The following MYH9 variants were observed in gnomAD, a reference collection of about 807,000 sequenced individuals.
MYH9 encodes the protein myosin heavy chain 9.
A neutral mutation model predicts 241.9 loss-of-function variants in MYH9; 29 were observed. That is an observed-to-expected ratio of 0.12 (90% CI 0.09 to 0.16). MYH9 has a LOEUF of 0.16. MYH9 is among the 10% of genes least tolerant of loss of function. MYH9 has a pLI of 1.00. For missense variants in MYH9, 1,803 were observed against 2,595.5 expected, an observed-to-expected ratio of 0.69 and a Z score of 6.63; for synonymous variants, 1,047 against 1,062.6, an observed-to-expected ratio of 0.99 and a Z score of 0.29.
At position 36,285,893 on chromosome 22, in the gene MYH9, C is replaced by T; in HGVS notation, c.5122G>A (p.Asp1708Asn). The T allele has an allele frequency of 6.2e-7, 1 of 1,613,538 alleles. No homozygotes were observed. The highest frequency in any genetic ancestry group is 8.5e-7 in the Non-Finnish European group (1 of 1,179,998). The part of the protein sequence containing the change: ...QAQQERDELA[D>N]EIANSSGKGA... ...TTGCCGCTGCTGTTGGCGATCTCGT[C>T]AGCCAGCTCATCCCGCTCCTGCTGG... The change falls in exon 36 of 41, where the codon GAC becomes AAC. Residue 1708 changes from aspartate (D) to asparagine (N), a missense_variant. Asp to Asn is a conservative substitution (Grantham distance 23). This residue lies in a region of MYH9 where 876 missense variants were observed against 1,077.8 expected (regional missense o/e 0.81). Coordinates refer to ENST00000216181, the MANE Select transcript of MYH9 (RefSeq NM_002473.6). The surrounding 1 kb of genome is among the most constrained non-coding windows in gnomAD (Gnocchi z 7.0).
intron 1 of MYH9, among the ~76,000 whole-genome samples, chr22:36,375,974 T>C (rs1023603914): frequency 1.4e-5 from 2 of 147,104 alleles, no homozygotes; most frequent in Non-Finnish European, 3.0e-5. Flanking sequence ...TTTTTTTTTT[T>C]TTTTGAGATG....
chr22:36,319,543 T>C lies in MYH9; in HGVS notation c.1105A>G (p.Thr369Ala). The C allele has an allele frequency of 6.2e-7, 1 of 1,614,126 alleles. No individual in the cohort carries two copies. Among genetic ancestry groups the C allele is most frequent in the Non-Finnish European group, 8.5e-7 (1 of 1,179,988 alleles). The change falls in exon 10 of 41, where the codon ACA (threonine) becomes GCA (alanine). Residue 369 changes from threonine to alanine, a missense_variant. Physicochemically the swap from Thr to Ala is moderately conservative, Grantham distance 58. Around this residue, in one of 11 missense-constraint regions of MYH9, gnomAD observed 222 missense variants for 359.9 expected, o/e 0.62. Transcript: ENST00000216181. ...AGCGAGAGGCCCCGGGTGTTACCTG[T>C]GTTGTCGGGCATGGACGCCTGGTCA... The part of the protein sequence containing the change: ...NTDQASMPDN[T>A]AAQKVSHLLG...
chr22:36,344,178 T>C lies in MYH9; in HGVS notation c.334-2652A>G, dbSNP rs189251257. On this transcript the variant is annotated intron_variant, in intron 2 of 40. Transcript: ENST00000216181. ...CTCAGGTGGGAGGAAGGAGATTCAC[T>C]GGATGCTCGTGGAGGCAAGACATCG... is the stretch of plus-strand genomic sequence containing the variant. Among the ~76,000 whole-genome samples the C allele has an allele frequency of 5.2e-3, 789 of 152,350 alleles. 6 individuals are homozygous for C. The highest frequency in any genetic ancestry group is 8.4e-3 in the Non-Finnish European group (573 of 68,024).
chr22:36,346,071 C>T (rs950219665), intron 2 of MYH9, among the ~76,000 whole-genome samples: 1 of 151,066 alleles, frequency 6.6e-6, no homozygotes, highest in Non-Finnish European at 1.5e-5. Flanking sequence ...CGCTTGAACC[C>T]GGGAGGCAGA....
At chr22:36,301,468 G>T in intron 21 of MYH9, 66 bp downstream of exon 21, 1 of 1,603,966 alleles carries the variant, frequency 6.2e-7, no homozygotes, top group Non-Finnish European at 8.5e-7. Context: ...CGTGCCTACC[G>T]ATGGCCAGCA....
Position 36,285,588 on chromosome 22 carries a change from T to G in MYH9, c.5274+70A>C. On this transcript the variant is annotated intron_variant, in intron 37 of 40. Coordinates refer to ENST00000216181, the MANE Select transcript of MYH9 (RefSeq NM_002473.6). The surrounding 1 kb of genome is among the most constrained non-coding windows in gnomAD (Gnocchi z 7.0). ...GCACTTGGCCTGTGCTTCTGCCGGC[T>G]GGGTCCAAGGCCAGCTCTGCCGTGG... 1.2e-6 allele frequency: 2 copies of G among 1,603,800 alleles called. No individual in the cohort carries two copies. The highest frequency in any genetic ancestry group is 2.2e-5 in the East Asian group (1 of 44,752).
chr22:36,312,382 C>T (rs1449955145), intron 13 of MYH9, among the ~76,000 whole-genome samples, 160 bp from the exon 14 acceptor site: 1 of 152,182 alleles, frequency 6.6e-6, no homozygotes, highest in Admixed American at 6.5e-5. Context: ...TTTCTAGCTT[C>T]TAAAGAAACC....
rs948229553 is a variant in MYH9, at chr22:36,301,449, C to T, written c.2631+85G>A. Reference sequence around the variant, plus strand: ...AAAACTCCTATAGTAATAGAAACTTCCAGCATGCCGTGCCTACCGATGGCC... The same window carrying T: ...AAAACTCCTATAGTAATAGAAACTTTCAGCATGCCGTGCCTACCGATGGCC... On this transcript the variant is annotated intron_variant, in intron 21 of 40. Coordinates refer to ENST00000216181, the MANE Select transcript of MYH9 (RefSeq NM_002473.6). 2.5e-6 allele frequency: 4 copies of T among 1,578,052 alleles called. No homozygotes were observed. The South Asian group carries it at 3.3e-5, about 13-fold the overall frequency.
At chr22:36,372,307 G>A (rs2018101403) in intron 1 of MYH9, among the ~76,000 whole-genome samples, 1 of 152,048 alleles carries the variant, frequency 6.6e-6, no homozygotes, top group Non-Finnish European at 1.5e-5. Context: ...GGGTAACATA[G>A]CAAGATCCCA....
At chr22:36,318,135 C>G in intron 11 of MYH9, 72 bp downstream of exon 11, 1 of 1,356,504 alleles carries the variant, frequency 7.4e-7, no homozygotes, top group South Asian at 1.2e-5. Flanking sequence ...TGGCCCACAA[C>G]AGCCTCAACT....
intron 5 of MYH9, chr22:36,325,237 C>T (rs895421415): frequency 2.2e-5 from 14 of 647,556 alleles, no homozygotes; most frequent in Non-Finnish European, 3.0e-5. Context: ...TAACTCCTGA[C>T]GCCCCATGGA....
chr22:36,296,019 T>A (rs2016781996), intron 25 of MYH9, among the ~76,000 whole-genome samples: 1 of 152,208 alleles, frequency 6.6e-6, no homozygotes, highest in Non-Finnish European at 1.5e-5. Flanking sequence ...AATAAAACGC[T>A]ACACCACAGG....
rs1318687756 is a variant in MYH9, at chr22:36,300,086, G to C, written c.2976+41C>G. 6.2e-7 allele frequency: 1 copy of C among 1,604,586 alleles called. No homozygotes were observed. The highest frequency in any genetic ancestry group is 1.1e-5 in the South Asian group (1 of 91,070). ...GGGTGACCACACTCTCCCATCCACG[G>C]CGCCCCTGGAGCAGCGGCAGGCGAC... On this transcript the variant is annotated intron_variant, in intron 23 of 40. Transcript: ENST00000216181. This position sits in a 1 kb window ranked among gnomAD's most constrained non-coding sequence, Gnocchi z 5.0.
In MYH9 at chr22:36,328,614, C is replaced by G. The variant is rs192202526; in HGVS notation, c.491-1126G>C. ...AATAGAAATAACACATAAAATGGAC[C>G]TGCCGCAGTCCCTGTAAAGACAGTA... On this transcript the variant is annotated intron_variant, in intron 3 of 40. Coordinates refer to ENST00000216181, the MANE Select transcript of MYH9 (RefSeq NM_002473.6). 1.2e-4 allele frequency among the ~76,000 whole-genome samples: 19 copies of G among 152,346 alleles called. No homozygotes were observed. In the East Asian group the frequency reaches 3.3e-3, roughly 26 times the overall value.
At chr22:36,354,678 A>G (rs2017823721) in intron 1 of MYH9, among the ~76,000 whole-genome samples, 2 of 151,892 alleles carry the variant, frequency 1.3e-5, no homozygotes, top group Admixed American at 1.3e-4. Context: ...TCCTGACCTC[A>G]GGTGATCTGC....
In MYH9 at chr22:36,285,699, T is replaced by C. The variant is rs768208950; in HGVS notation, c.5233A>G (p.Thr1745Ala). 6.2e-7 allele frequency: 1 copy of C among 1,613,078 alleles called. No individual in the cohort carries two copies. Among genetic ancestry groups the C allele is most frequent in the Non-Finnish European group, 8.5e-7 (1 of 1,179,984 alleles). The change falls in exon 37 of 41, where the codon ACG (threonine) becomes GCG (alanine). Residue 1745 changes from threonine to alanine, a missense_variant. Physicochemically the swap from Thr to Ala is moderately conservative, Grantham distance 58. Around this residue, in one of 11 missense-constraint regions of MYH9, gnomAD observed 876 missense variants for 1,077.8 expected, o/e 0.81. Coordinates refer to ENST00000216181, the MANE Select transcript of MYH9 (RefSeq NM_002473.6). This position sits in a 1 kb window ranked among gnomAD's most constrained non-coding sequence, Gnocchi z 7.0. ...EEELEEEQGN[T>A]ELINDRLKKA... Reference sequence around the variant, plus strand: ...TTCAGCCGGTCGTTGATCAGCTCCGTGTTGCCCTGCTCCTCCTCCAGCTCC... The same window carrying C: ...TTCAGCCGGTCGTTGATCAGCTCCGCGTTGCCCTGCTCCTCCTCCAGCTCC...
chr22:36,358,862 G>C (rs1005377285), intron 1 of MYH9, among the ~76,000 whole-genome samples: 1 of 152,098 alleles, frequency 6.6e-6, no homozygotes, highest in Admixed American at 6.5e-5. Context: ...AAAATGGTTC[G>C]ACAGCTCCAC....
At position 36,299,033 on chromosome 22, in the gene MYH9, G is replaced by C; in HGVS notation, c.2986C>G (p.Leu996Val). 1 of 1,614,086 alleles carries C rather than the reference G, an allele frequency of 6.2e-7. No individual in the cohort carries two copies. The highest frequency in any genetic ancestry group is 8.5e-7 in the Non-Finnish European group (1 of 1,180,006). Reference protein sequence around the residue: ...QNCKLAKEKKLLEDRIAEFTT... With the variant: ...QNCKLAKEKKVLEDRIAEFTT... ...AACTCAGCTATTCTGTCTTCCAGCA[G>C]TTTCTTTTCCTGGGGAGAGGGGAGT... The change falls in exon 24 of 41, where the codon CTG becomes GTG. Residue 996 changes from leucine (L) to valine (V), a missense_variant. Leu to Val is a conservative substitution (Grantham distance 32). Around this residue, in one of 11 missense-constraint regions of MYH9, gnomAD observed 290 missense variants for 360.5 expected, o/e 0.80. Transcript: ENST00000216181.
At chr22:36,290,028 A>G (rs1192928665) in intron 31 of MYH9, among the ~76,000 whole-genome samples, 1 of 152,136 alleles carries the variant, frequency 6.6e-6, no homozygotes, top group Non-Finnish European at 1.5e-5. Flanking sequence ...TGGCTGCCCG[A>G]TGTCTTCTAC....
Sources: allele counts gnomAD v4.1 joint callset (sites outside exome capture counted in the v4.1 genomes callset), GRCh38; gene constraint gnomAD v4.1.1; regional missense constraint gnomAD v4.1.1; non-coding constraint Gnocchi (gnomAD v3.1); transcripts MANE v1.5; gene names NCBI Gene and HGNC (gene_info 2026-07-23, HGNC 2026-07-21).